The following UGT2A1 variants were observed in gnomAD, a reference collection of about 807,000 sequenced individuals.
UGT2A1 encodes UDP-glucuronosyltransferase 2A1.
In UGT2A1, 61 loss-of-function variants were observed where a neutral mutation model predicts 45.4. The ratio of observed to expected loss-of-function variants is 1.34; its 90% CI spans 1.09 to 1.66. The LOEUF (loss-of-function observed/expected upper bound fraction) is 1.66. Among genes scored for constraint, UGT2A1 ranks in the 40% most tolerant of loss-of-function variants. UGT2A1 has a pLI of 0.00. For synonymous variants in UGT2A1, 229 were observed against 196.2 expected (o/e 1.17, Z -1.40); for missense variants, 649 against 574.3 (o/e 1.13, Z -1.33).
intron 2 of UGT2A1, chr4:69,639,147 C>T (rs1312464563): frequency 1.9e-6 from 3 of 1,613,642 alleles, no homozygotes; most frequent in Admixed American, 1.7e-5. Context: ...AACAAGATCA[C>T]CACAGATTGT....
chr4:69,619,231 T>C (rs564361085), intron 3 of UGT2A1, among the ~76,000 whole-genome samples: 56 of 151,712 alleles, frequency 3.7e-4, no homozygotes, highest in Non-Finnish European at 5.6e-4. Flanking sequence ...GACATATCTC[T>C]ATAAAAATAA....
Position 69,648,553 on chromosome 4 carries a change from G to A in UGT2A1, c.-54-855C>T, listed in dbSNP as rs4694226. ...AGACATTACGCAAACTCTTTAACAC[G>A]TTAATTTCATTTCTTCCTTATTTTA... On this transcript the variant is annotated intron_variant, in intron 1 of 6. Coordinates refer to ENST00000286604, the MANE Select transcript of UGT2A1 (RefSeq NM_001252275.3). 9.6e-3 allele frequency among the ~76,000 whole-genome samples: 1,463 copies of A among 151,886 alleles called. 104 individuals are homozygous for A. The highest frequency in any genetic ancestry group is 0.084 in the Admixed American group (1,271 of 15,214).
intron 3 of UGT2A1, among the ~76,000 whole-genome samples, chr4:69,624,572 A>G (rs1051532870): frequency 4.6e-5 from 7 of 151,080 alleles, no homozygotes; most frequent in African/African-American, 1.7e-4. Flanking sequence ...TATTAGTTGA[A>G]CACATTTTAT....
chr4:69,614,715 G>T (rs1720270675), intron 3 of UGT2A1, among the ~76,000 whole-genome samples: 1 of 152,020 alleles, frequency 6.6e-6, no homozygotes, highest in Non-Finnish European at 1.5e-5. Flanking sequence ...TACATACATT[G>T]GGAAAGGAAT....
intron 6 of UGT2A1, 42 bp from the exon 7 acceptor site, chr4:69,589,693 T>C: frequency 6.4e-7 from 1 of 1,561,498 alleles, no homozygotes; most frequent in Non-Finnish European, 8.7e-7. Context: ...CAATTTTTGT[T>C]TTTATTTTCA....
At chr4:69,601,722 C>T (rs1401829911) in intron 3 of UGT2A1, among the ~76,000 whole-genome samples, 1 of 151,384 alleles carries the variant, frequency 6.6e-6, no homozygotes, top group African/African-American at 2.4e-5. Context: ...CCTGCCACCC[C>T]TGTCAGAGCT....
At position 69,646,921 on chromosome 4, in the gene UGT2A1, G is replaced by A; in HGVS notation, c.715+9C>T. ...AATTCAAGTAATAAAAACAAAATTT[G>A]TTACATACCTAAAGCTTTACTATAG... is the stretch of plus-strand genomic sequence containing the variant. On this transcript the variant is annotated intron_variant, in intron 2 of 6. Coordinates refer to ENST00000286604, the MANE Select transcript of UGT2A1 (RefSeq NM_001252275.3). The A allele has an allele frequency of 6.5e-7, 1 of 1,530,652 alleles. No individual in the cohort carries two copies. The highest frequency in any genetic ancestry group is 8.7e-7 in the Non-Finnish European group (1 of 1,143,966). 94.8% of individuals were successfully genotyped at this position (1,530,652 alleles called of 1,614,324 possible). A position where few individuals can be genotyped will look rare whatever the true frequency, so the allele number is the denominator to read the frequency against.
At chr4:69,636,317 C>T (rs1721708762) in intron 2 of UGT2A1, among the ~76,000 whole-genome samples, 1 of 152,134 alleles carries the variant, frequency 6.6e-6, no homozygotes, top group Non-Finnish European at 1.5e-5. Context: ...TATCAGTTTA[C>T]AGTTAGCAGG....
Position 69,645,665 on chromosome 4 carries a change from G to A in UGT2A1, c.715+1265C>T, listed in dbSNP as rs181230883. Reference sequence around the variant, plus strand: ...TGCCACATCTGTCCAAGTGTTTTACGTAAAATGAAAATCAGGTCATAATAT... The same window carrying A: ...TGCCACATCTGTCCAAGTGTTTTACATAAAATGAAAATCAGGTCATAATAT... On this transcript the variant is annotated intron_variant, in intron 2 of 6. Transcript: ENST00000286604. 4.0e-5 allele frequency among the ~76,000 whole-genome samples: 6 copies of A among 151,822 alleles called. No homozygotes were observed. The East Asian group carries it at 7.7e-4, about 20-fold the overall frequency.
chr4:69,598,076 C>G (rs140000986), intron 4 of UGT2A1, among the ~76,000 whole-genome samples: 2 of 152,004 alleles, frequency 1.3e-5, no homozygotes, highest in Non-Finnish European at 2.9e-5. Flanking sequence ...CCTATGGATA[C>G]GTCATGAATA....
chr4:69,611,443 T>A (rs1233552790), intron 3 of UGT2A1, among the ~76,000 whole-genome samples: 3 of 151,354 alleles, frequency 2.0e-5, no homozygotes, highest in Admixed American at 1.3e-4. Flanking sequence ...CCAGAAATGA[T>A]AAGAAAAAAA....
intron 2 of UGT2A1, 61 bp downstream of exon 2, chr4:69,646,869 G>T: frequency 8.6e-7 from 1 of 1,167,946 alleles, no homozygotes; most frequent in Non-Finnish European, 1.2e-6. Flanking sequence ...AAATAAAGAA[G>T]AGGCTCTACA....
chr4:69,594,811 C>T, intron 5 of UGT2A1, 115 bp from the exon 6 acceptor site: 1 of 1,296,328 alleles, frequency 7.7e-7, no homozygotes, highest in Non-Finnish European at 1.0e-6. Flanking sequence ...GATACGTTTT[C>T]TACAAAAGCA....
Position 69,596,041 on chromosome 4 carries a change from T to C in UGT2A1, c.997-792A>G, listed in dbSNP as rs914806008. On this transcript the variant is annotated intron_variant, in intron 4 of 6. Transcript: ENST00000286604. ...ATAAATGACTTCAAAAAAGTATGTG[T>C]TTCTAAAATAATGCCAAGGCTCAGT... is the stretch of plus-strand genomic sequence containing the variant. Among the ~76,000 whole-genome samples the C allele has an allele frequency of 1.1e-4, 17 of 152,306 alleles. No homozygotes were observed. In the East Asian group the frequency reaches 3.3e-3, roughly 29 times the overall value.
intron 3 of UGT2A1, among the ~76,000 whole-genome samples, chr4:69,633,973 C>T (rs943477357): frequency 1.3e-5 from 2 of 152,178 alleles, no homozygotes; most frequent in African/African-American, 4.8e-5. Flanking sequence ...CGGCCGCGCG[C>T]GGTGGCTCAC....
At chr4:69,632,635 A>G (rs1402715870) in intron 3 of UGT2A1, among the ~76,000 whole-genome samples, 1 of 152,180 alleles carries the variant, frequency 6.6e-6, no homozygotes, top group Non-Finnish European at 1.5e-5. Context: ...CAGGCCTGTA[A>G]TCCCAGCACT....
chr4:69,645,628 TCTCAA>T (rs112559695), intron 2 of UGT2A1, among the ~76,000 whole-genome samples: 3,556 of 151,776 alleles, frequency 0.023, 159 homozygotes, highest in African/African-American at 0.082. Context: ...GTCTCACACC[TCTCAA>T]CTCTACTGCC....
chr4:69,596,781 C>T (rs1718959081), intron 4 of UGT2A1, among the ~76,000 whole-genome samples: 1 of 152,184 alleles, frequency 6.6e-6, no homozygotes, highest in African/African-American at 2.4e-5. Context: ...CTTGGTCTCC[C>T]AAAGTGCTGG....
intron 1 of UGT2A1, among the ~76,000 whole-genome samples, chr4:69,652,029 G>C (rs1722548226): frequency 6.6e-6 from 1 of 152,096 alleles, no homozygotes; most frequent in Admixed American, 6.6e-5. Flanking sequence ...CTGTTCTAAA[G>C]CCTTTAAAAT....
Sources: gnomAD v4.1 joint callset for allele counts (sites outside exome capture counted in the v4.1 genomes callset) on GRCh38, gnomAD v4.1.1 for gene constraint, MANE v1.5 for transcripts, NCBI Gene and HGNC (gene_info 2026-07-23, HGNC 2026-07-21) for gene names.